Variants in SIM2 observed in about 807,000 individuals in gnomAD.
SIM2 encodes the protein SIM bHLH transcription factor 2.
Under a neutral mutation model 64.8 loss-of-function variants are expected in SIM2, and 28 were observed. The ratio of observed to expected loss-of-function variants is 0.43; its 90% CI spans 0.32 to 0.59. The LOEUF is 0.59. SIM2 is among the 20% of genes least tolerant of loss of function. The pLI, the probability that SIM2 is intolerant of heterozygous loss-of-function variation, is 0.07. For synonymous variants in SIM2, 408 were observed against 391.1 expected, an observed-to-expected ratio of 1.04 and a Z score of -0.51; for missense variants, 847 against 871.4, an observed-to-expected ratio of 0.97 and a Z score of 0.35.
chr21:36,707,003 G>A (rs1157219166), intron 1 of SIM2, among the ~76,000 whole-genome samples: 2 of 152,230 alleles, frequency 1.3e-5, no homozygotes, highest in Non-Finnish European at 2.9e-5. Context: ...CCCGGGCAGC[G>A]GAGTCTGGTC....
intron 3 of SIM2, among the ~76,000 whole-genome samples, chr21:36,715,098 T>A (rs1312914208): frequency 6.6e-6 from 1 of 152,228 alleles, no homozygotes; most frequent in African/African-American, 2.4e-5. Context: ...TTCTGATTTC[T>A]CTGCGGGGCT....
chr21:36,719,811 T>C lies in SIM2; in HGVS notation c.349-10T>C. ...GCGGTGGCATTTCTGACCCTTCCCTTCCACGGCAGGTGGAGCTCACGGGCA... is the reference window on the plus strand; with the variant it reads ...GCGGTGGCATTTCTGACCCTTCCCTCCCACGGCAGGTGGAGCTCACGGGCA... On this transcript the variant is annotated splice_polypyrimidine_tract_variant and intron_variant, in intron 3 of 10. Transcript: ENST00000290399. The C allele has an allele frequency of 6.3e-7, 1 of 1,579,108 alleles. No individual in the cohort carries two copies. The highest frequency in any genetic ancestry group is 8.7e-7 in the Non-Finnish European group (1 of 1,148,724).
chr21:36,712,987 G>A (rs2088697451), intron 3 of SIM2, among the ~76,000 whole-genome samples: 1 of 152,132 alleles, frequency 6.6e-6, no homozygotes, highest in South Asian at 2.1e-4. Flanking sequence ...TGCACGTTAC[G>A]GTATTATGAG....
At chr21:36,704,326 C>T (rs1373350136) in intron 1 of SIM2, among the ~76,000 whole-genome samples, 1 of 152,236 alleles carries the variant, frequency 6.6e-6, no homozygotes, top group African/African-American at 2.4e-5. Context: ...TGAGGCAATT[C>T]TCTACCTCCG....
At position 36,699,675 on chromosome 21, in the gene SIM2, C is replaced by A; in HGVS notation, c.-72C>A. Reference sequence around the variant, plus strand: ...CCCGGCTCCCCCTTCCCCATCCCCGCCGCCGCAGCCCGAGCGGGGCTCCGC... The same window carrying A: ...CCCGGCTCCCCCTTCCCCATCCCCGACGCCGCAGCCCGAGCGGGGCTCCGC... On this transcript the variant is annotated 5_prime_UTR_variant, in exon 1 of 11. Coordinates refer to ENST00000290399, the MANE Select transcript of SIM2 (RefSeq NM_005069.6). The surrounding 1 kb of genome is among the most constrained non-coding windows in gnomAD (Gnocchi z 5.6). 1.3e-6 allele frequency: 2 copies of A among 1,534,254 alleles called. No individual in the cohort carries two copies. Among genetic ancestry groups the A allele is most frequent in the South Asian group, 1.2e-5 (1 of 82,916 alleles).
chr21:36,729,773 TG>T (rs1197591316), intron 6 of SIM2, among the ~76,000 whole-genome samples: 4 of 152,142 alleles, frequency 2.6e-5, no homozygotes, highest in Admixed American at 2.6e-4. Flanking sequence ...GAGGACATGG[TG>T]CCCGGCCCCA....
chr21:36,708,321 G>A (rs954598082), intron 1 of SIM2, among the ~76,000 whole-genome samples: 32 of 152,376 alleles, frequency 2.1e-4, no homozygotes, highest in African/African-American at 7.5e-4. Context: ...CAGGTCGAGG[G>A]TGCAGCAGGA....
intron 6 of SIM2, among the ~76,000 whole-genome samples, chr21:36,728,791 A>G (rs7276794): frequency 0.025 from 3,763 of 152,302 alleles, 148 homozygotes; most frequent in African/African-American, 0.085. Context: ...CAAACCCCAG[A>G]AGCCAGACGA....
intron 4 of SIM2, 83 bp downstream of exon 4, chr21:36,720,012 A>C: frequency 1.0e-6 from 1 of 975,458 alleles, no homozygotes; most frequent in Non-Finnish European, 1.6e-6. Flanking sequence ...TGCTTCCCAC[A>C]TCTGCCAAGT....
intron 6 of SIM2, 81 bp from the exon 7 acceptor site, chr21:36,730,964 T>A: frequency 1.0e-6 from 1 of 953,782 alleles, no homozygotes; most frequent in Non-Finnish European, 1.7e-6. Flanking sequence ...AGCACTTGAT[T>A]AGTTGGCAAA....
rs143748258 is a variant in SIM2, at chr21:36,718,010, G to T, written c.349-1811G>T. Among the ~76,000 whole-genome samples, 364 of 152,334 alleles carry T rather than the reference G, an allele frequency of 2.4e-3. 2 individuals carry two copies. Among genetic ancestry groups the T allele is most frequent in the African/African-American group, 8.4e-3 (348 of 41,566 alleles). On this transcript the variant is annotated intron_variant, in intron 3 of 10. Transcript: ENST00000290399. ...GTTGAGAAAGTGCCAGGCTTGGGAA[G>T]TGGGTGTTAAGTAGAGGGTAGGGAG...
Position 36,745,847 on chromosome 21 carries a change from A to G in SIM2, c.1576+711A>G. 9 of 1,303,418 alleles carry G rather than the reference A, an allele frequency of 6.9e-6. No homozygotes were observed. The highest frequency in any genetic ancestry group is 9.1e-6 in the Non-Finnish European group (9 of 988,480). 80.7% of individuals were successfully genotyped at this position (1,303,418 alleles called of 1,614,324 possible). Reference sequence around the variant, plus strand: ...CGCCAGCTCCCCAGGACGCAGACTGACTCCTGTTTGCTCGCTGGACCAACC... The same window carrying G: ...CGCCAGCTCCCCAGGACGCAGACTGGCTCCTGTTTGCTCGCTGGACCAACC... On this transcript the variant is annotated intron_variant, in intron 10 of 10. Transcript: ENST00000290399. This position sits in a 1 kb window ranked among gnomAD's most constrained non-coding sequence, Gnocchi z 4.8.
chr21:36,744,408 A>G (rs1303548617), intron 9 of SIM2, among the ~76,000 whole-genome samples: 1 of 151,892 alleles, frequency 6.6e-6, no homozygotes, highest in Non-Finnish European at 1.5e-5. Flanking sequence ...AAGGAAGAAA[A>G]GAAAAAAGAA....
Position 36,747,776 on chromosome 21 carries a change from A to G in SIM2, c.1688A>G (p.Gln563Arg), listed in dbSNP as rs2123515361. The G allele has an allele frequency of 8.9e-7, 1 of 1,119,894 alleles. No individual in the cohort carries two copies. The highest frequency in any genetic ancestry group is 1.1e-6 in the Non-Finnish European group (1 of 919,066). 69.4% of individuals were successfully genotyped at this position (1,119,894 alleles called of 1,614,324 possible). A position where few individuals can be genotyped will look rare whatever the true frequency, so the allele number is the denominator to read the frequency against. ...CTGGGCCCGGCCAAAGCCGCCCGCCAGGCCGCCCGGGACGGGGCGCGGCTG... is the reference window on the plus strand; with the variant it reads ...CTGGGCCCGGCCAAAGCCGCCCGCCGGGCCGCCCGGGACGGGGCGCGGCTG... ...PALGPAKAARQAARDGARLAL... is the reference protein window; with the variant it reads ...PALGPAKAARRAARDGARLAL... Residue 563 changes from glutamine (Q) to arginine (R), a missense_variant, in exon 11 of 11, where the codon CAG (glutamine) becomes CGG (arginine). Physicochemically the swap from Gln to Arg is conservative, Grantham distance 43. Around this residue, in one of 3 missense-constraint regions of SIM2, gnomAD observed 447 missense variants for 414.6 expected, o/e 1.08. Coordinates refer to ENST00000290399, the MANE Select transcript of SIM2 (RefSeq NM_005069.6). The surrounding 1 kb of genome is among the most constrained non-coding windows in gnomAD (Gnocchi z 4.5).
Position 36,699,469 on chromosome 21 carries a change from C to T in SIM2, c.-278C>T. 4.0e-6 allele frequency: 1 copy of T among 250,912 alleles called. No individual in the cohort carries two copies. Among genetic ancestry groups the T allele is most frequent in the Non-Finnish European group, 7.4e-6 (1 of 134,450 alleles). The allele number at this position is 250,912 out of a possible 1,614,324, so 15.5% of individuals were successfully genotyped here. ...GCAGGAGGGAGGAAACAGGAGCGAG[C>T]AGGAACGGGGCTCCGGTTGCTGCAG... On this transcript the variant is annotated 5_prime_UTR_variant, in exon 1 of 11. Transcript: ENST00000290399. This position sits in a 1 kb window ranked among gnomAD's most constrained non-coding sequence, Gnocchi z 5.6.
chr21:36,728,621 G>A (rs891296425), intron 6 of SIM2, among the ~76,000 whole-genome samples: 10 of 152,354 alleles, frequency 6.6e-5, no homozygotes, highest in African/African-American at 2.4e-4. Context: ...TTTCTGAGCT[G>A]CAGTCACATG....
chr21:36,747,933 C>T lies in SIM2; in HGVS notation c.1845C>T (p.Ala615=). Reference sequence around the variant, plus strand: ...CCCGGCGCGGACCGCTGGGGGGCGCCGCACCCGCCGCCTCCGGCCTGGCCT... The same window carrying T: ...CCCGGCGCGGACCGCTGGGGGGCGCTGCACCCGCCGCCTCCGGCCTGGCCT... ...VLARRGPLGG[A]APAASGLACA... The change falls in exon 11 of 11, where the codon GCC becomes GCT. Residue 615 remains alanine, a synonymous_variant. Coordinates refer to ENST00000290399, the MANE Select transcript of SIM2 (RefSeq NM_005069.6). This position sits in a 1 kb window ranked among gnomAD's most constrained non-coding sequence, Gnocchi z 4.5. The T allele has an allele frequency of 2.9e-5, 30 of 1,030,614 alleles. No individual in the cohort carries two copies. Among genetic ancestry groups the T allele is most frequent in the Non-Finnish European group, 3.4e-5 (29 of 859,518 alleles). The allele number at this position is 1,030,614 out of a possible 1,614,324, so 63.8% of individuals were successfully genotyped here. A position where few individuals can be genotyped will look rare whatever the true frequency, so the allele number is the denominator to read the frequency against.
chr21:36,747,579 G>A lies in SIM2; in HGVS notation c.1577-86G>A. ...CGGGTGCAGCGCGTGGGCGGCCGAG[G>A]GGTGGTGGCTGCGCCCGGGGCTTGG... is the stretch of plus-strand genomic sequence containing the variant. On this transcript the variant is annotated intron_variant, in intron 10 of 10. Coordinates refer to ENST00000290399, the MANE Select transcript of SIM2 (RefSeq NM_005069.6). The surrounding 1 kb of genome is among the most constrained non-coding windows in gnomAD (Gnocchi z 4.5). 7 of 990,650 alleles carry A rather than the reference G, an allele frequency of 7.1e-6. No individual in the cohort carries two copies. The highest frequency in any genetic ancestry group is 8.8e-6 in the Non-Finnish European group (7 of 793,380). The allele number at this position is 990,650 out of a possible 1,614,324, so 61.4% of individuals were successfully genotyped here.
intron 4 of SIM2, among the ~76,000 whole-genome samples, chr21:36,722,168 C>G (rs941035059): frequency 6.6e-6 from 1 of 152,204 alleles, no homozygotes; most frequent in African/African-American, 2.4e-5. Flanking sequence ...TTCCACCCAC[C>G]GTGCTTGTCT....
Sources: gnomAD v4.1 joint callset for allele counts (sites outside exome capture counted in the v4.1 genomes callset) on GRCh38, gnomAD v4.1.1 for gene constraint, gnomAD v4.1.1 regional missense constraint, Gnocchi (gnomAD v3.1) non-coding constraint, MANE v1.5 for transcripts, NCBI Gene and HGNC (gene_info 2026-07-23, HGNC 2026-07-21) for gene names.